The following ME1 variants were observed in gnomAD, a reference collection of about 807,000 sequenced individuals.
ME1 encodes NADP-dependent malic enzyme.
ME1 carries 74 observed loss-of-function variants against 66.4 expected under a neutral mutation model. That is an observed-to-expected ratio of 1.11 (90% confidence interval 0.92 to 1.35). ME1 has a LOEUF of 1.35. Among genes scored for constraint, ME1 ranks in the 40% most tolerant of loss-of-function variants. ME1 has a pLI of 0.00. For missense variants in ME1, 750 were observed against 694.1 expected, an observed-to-expected ratio of 1.08 and a Z score of -0.90; for synonymous variants, 251 against 235.6, an observed-to-expected ratio of 1.07 and a Z score of -0.60.
intron 9 of ME1, among the ~76,000 whole-genome samples, chr6:83,231,352 G>C (rs919353114): frequency 1.3e-5 from 2 of 152,054 alleles, no homozygotes; most frequent in Non-Finnish European, 2.9e-5. Context: ...ACTTTCAAAG[G>C]CTTGATTCCT....
rs558907002 is a variant in ME1 at position 83,409,703 on chromosome 6, C to T, written c.79-1802G>A. On this transcript the variant is annotated intron_variant, in intron 1 of 13. Coordinates refer to ENST00000369705, the MANE Select transcript of ME1 (RefSeq NM_002395.6). ...GAGCTCTCTGAGATAACTGCAAGAG[C>T]GGGCTGGGACCAATGGTTTCAGAAT... Among the ~76,000 whole-genome samples the T allele has an allele frequency of 7.9e-5, 12 of 152,272 alleles. No homozygotes were observed. The South Asian group carries it at 2.1e-3, about 26-fold the overall frequency.
intron 4 of ME1, among the ~76,000 whole-genome samples, chr6:83,348,028 T>C (rs906457899): frequency 4.6e-5 from 7 of 152,226 alleles, no homozygotes; most frequent in Admixed American, 2.6e-4. Context: ...CCTGTTCACC[T>C]ATATTATTCA....
At chr6:83,418,722 G>A (rs957565119) in intron 1 of ME1, among the ~76,000 whole-genome samples, 2 of 152,256 alleles carry the variant, frequency 1.3e-5, no homozygotes, top group African/African-American at 2.4e-5. Context: ...GGCTTGTCAG[G>A]TATGATCCAT....
chr6:83,219,082 T>C (rs982331629), intron 12 of ME1, among the ~76,000 whole-genome samples: 2 of 152,158 alleles, frequency 1.3e-5, no homozygotes, highest in African/African-American at 4.8e-5. Flanking sequence ...GAAATGGCAC[T>C]AAGAGAAACA....
At chr6:83,304,367 T>C (rs1767787660) in intron 6 of ME1, among the ~76,000 whole-genome samples, 2 of 152,178 alleles carry the variant, frequency 1.3e-5, no homozygotes, top group African/African-American at 4.8e-5. Context: ...TTAAGAAATG[T>C]CATTCTATGA....
At chr6:83,372,218 A>G (rs898859329) in intron 3 of ME1, among the ~76,000 whole-genome samples, 1 of 152,144 alleles carries the variant, frequency 6.6e-6, no homozygotes, top group African/African-American at 2.4e-5. Context: ...CAGCCTCTGT[A>G]ACTGCTTTGA....
chr6:83,226,446 G>T lies in ME1; in HGVS notation c.1275+889C>A, dbSNP rs949840999. On this transcript the variant is annotated intron_variant, in intron 11 of 13. Transcript: ENST00000369705. Reference sequence around the variant, plus strand: ...TGAAAGGACTTTTTTTTCCTTTAAGGATTTAAGGACTACTGAATAATGTGA... The same window carrying T: ...TGAAAGGACTTTTTTTTCCTTTAAGTATTTAAGGACTACTGAATAATGTGA... Among the ~76,000 whole-genome samples, 4 of 152,018 alleles carry T rather than the reference G, an allele frequency of 2.6e-5. No homozygotes were observed. In the East Asian group the frequency reaches 5.8e-4, roughly 22 times the overall value.
At chr6:83,233,442 T>C (rs914771025) in intron 9 of ME1, among the ~76,000 whole-genome samples, 5 of 152,120 alleles carry the variant, frequency 3.3e-5, no homozygotes, top group African/African-American at 9.7e-5. Flanking sequence ...ATTTACAATA[T>C]TGGTATTCTA....
At chr6:83,295,366 T>C (rs1374996848) in intron 6 of ME1, among the ~76,000 whole-genome samples, 1 of 152,216 alleles carries the variant, frequency 6.6e-6, no homozygotes, top group South Asian at 2.1e-4. Context: ...GAGTATCTTC[T>C]GTCTTCCAAA....
chr6:83,302,975 A>T (rs1019104799), intron 6 of ME1, among the ~76,000 whole-genome samples: 1 of 152,132 alleles, frequency 6.6e-6, no homozygotes, highest in Non-Finnish European at 1.5e-5. Context: ...TGGTGTAAAG[A>T]TATAAAATGG....
intron 2 of ME1, among the ~76,000 whole-genome samples, chr6:83,404,283 T>C (rs991429251): frequency 6.6e-6 from 1 of 152,238 alleles, no homozygotes; most frequent in African/African-American, 2.4e-5. Context: ...TTCATGATTT[T>C]TGGCCGCATA....
chr6:83,284,468 C>G (rs1767361319), intron 6 of ME1, among the ~76,000 whole-genome samples: 1 of 152,068 alleles, frequency 6.6e-6, no homozygotes, highest in Admixed American at 6.6e-5. Context: ...GCCAATGCCA[C>G]TGATAAGCAC....
At chr6:83,344,043 C>T (rs1218862699) in intron 5 of ME1, among the ~76,000 whole-genome samples, 2 of 150,264 alleles carry the variant, frequency 1.3e-5, no homozygotes, top group Non-Finnish European at 2.9e-5. Context: ...CCCAGTGAAG[C>T]AGGAGGATTG....
chr6:83,263,275 C>T (rs1440692847), intron 6 of ME1, among the ~76,000 whole-genome samples: 3 of 152,150 alleles, frequency 2.0e-5, no homozygotes, highest in Admixed American at 6.5e-5. Flanking sequence ...TGAGACACAA[C>T]ACTATTGAAA....
intron 6 of ME1, among the ~76,000 whole-genome samples, chr6:83,277,773 A>G (rs892850410): frequency 3.3e-5 from 5 of 152,020 alleles, no homozygotes; most frequent in African/African-American, 9.7e-5. Flanking sequence ...GTGGTGGCAC[A>G]TGGCTGTAAT....
chr6:83,219,738 TA>T (rs1486107126), intron 12 of ME1, among the ~76,000 whole-genome samples: 1 of 124,088 alleles, frequency 8.1e-6, no homozygotes, highest in Non-Finnish European at 1.6e-5. Flanking sequence ...CATGCCCAAC[TA>T]ATTTTTTTTT....
At chr6:83,238,799 AAT>A (rs34022791) in intron 8 of ME1, among the ~76,000 whole-genome samples, 128 of 139,144 alleles carry the variant, frequency 9.2e-4, no homozygotes, top group Non-Finnish European at 9.1e-4. Context: ...TTTCTTGAAA[AAT>A]ATATATATAT....
At chr6:83,282,721 ACCAGAAATACCATTTGACCCAGCAATC>A (rs1767320790) in intron 6 of ME1, among the ~76,000 whole-genome samples, 2 of 152,188 alleles carry the variant, frequency 1.3e-5, no homozygotes, top group South Asian at 4.1e-4. Context: ...AGGATCTAGA[ACCAGAAATACCATTTGACCCAGCAATC>A]CCATTACTGG....
intron 3 of ME1, among the ~76,000 whole-genome samples, chr6:83,376,517 G>C (rs1344710681): frequency 6.7e-6 from 1 of 149,044 alleles, no homozygotes; most frequent in East Asian, 2.0e-4. Flanking sequence ...AAGAAAAAAA[G>C]AGGCCGGGTG....
Sources: gnomAD v4.1 joint callset for allele counts (sites outside exome capture counted in the v4.1 genomes callset) on GRCh38, gnomAD v4.1.1 for gene constraint, MANE v1.5 for transcripts, NCBI Gene and HGNC (gene_info 2026-07-23, HGNC 2026-07-21) for gene names.